Variants in TLN2 observed in about 807,000 individuals in gnomAD.
TLN2 encodes talin-2.
A neutral mutation model predicts 294.7 loss-of-function variants in TLN2; 118 were observed. That is an observed-to-expected ratio of 0.40 (90% CI 0.34 to 0.47). The LOEUF (loss-of-function observed/expected upper bound fraction) is 0.47, where lower values mean the gene tolerates loss of function less well. Ranked by LOEUF, TLN2 falls within the 20% of genes least tolerant of loss-of-function variation. The probability of loss-of-function intolerance (pLI) is 0.84; values close to 1 mark genes in which losing one functional copy is unlikely to be tolerated. For synonymous variants in TLN2, 1,431 were observed against 1,304.5 expected (o/e 1.10, Z -2.09); for missense variants, 3,083 against 3,282.2 (o/e 0.94, Z 1.48).
rs1287686061 is a variant in TLN2, at chr15:62,841,207, T to C, written c.*597T>C. 6.5e-6 allele frequency: 1 copy of C among 152,814 alleles called. No homozygotes were observed. The highest frequency in any genetic ancestry group is 1.5e-5 in the Non-Finnish European group (1 of 68,202). The allele number at this position is 152,814 out of a possible 1,614,324, so 9.5% of individuals were successfully genotyped here. On this transcript the variant is annotated 3_prime_UTR_variant, in exon 59 of 59. Transcript: ENST00000636159. ...TTCTTGCCTCCGTGTGTAAGCTCCTTGTACAACCCAGACCCATCTTGTATT... is the reference window on the plus strand; with the variant it reads ...TTCTTGCCTCCGTGTGTAAGCTCCTCGTACAACCCAGACCCATCTTGTATT...
At chr15:62,589,375 A>T (rs1262482158) in intron 1 of TLN2, among the ~76,000 whole-genome samples, 1 of 152,214 alleles carries the variant, frequency 6.6e-6, no homozygotes, top group Non-Finnish European at 1.5e-5. Context: ...TTCGACATTG[A>T]GGGAGGTGGA....
chr15:62,725,831 C>T (rs952924490), intron 27 of TLN2, among the ~76,000 whole-genome samples: 1 of 152,168 alleles, frequency 6.6e-6, no homozygotes, highest in South Asian at 2.1e-4. Flanking sequence ...TTCAGATTTG[C>T]AGGACTCTAA....
chr15:62,653,783 T>G (rs909006216), intron 7 of TLN2, among the ~76,000 whole-genome samples: 38 of 152,048 alleles, frequency 2.5e-4, no homozygotes, highest in African/African-American at 8.0e-4. Context: ...CCATTTCACA[T>G]CTAAAGAAAT....
intron 14 of TLN2, 128 bp downstream of exon 14, chr15:62,694,520 ATCT>A (rs2058184048): frequency 1.4e-6 from 1 of 718,474 alleles, no homozygotes. Flanking sequence ...ATATAGTTGA[ATCT>A]TCTTCAAGCG....
chr15:62,702,946 A>G (rs946092142), intron 19 of TLN2, 82 bp downstream of exon 19: 11 of 1,257,270 alleles, frequency 8.7e-6, no homozygotes, highest in Admixed American at 1.8e-5. Flanking sequence ...TAATATTTGA[A>G]AACTAACTAA....
chr15:62,830,860 T>A (rs997436534), intron 54 of TLN2: 2 of 152,156 alleles, frequency 1.3e-5, no homozygotes, highest in Admixed American at 1.3e-4. Context: ...AATACTTTCT[T>A]ATCAGAGCAA....
intron 58 of TLN2, among the ~76,000 whole-genome samples, chr15:62,839,383 A>C (rs1331726519): frequency 6.6e-6 from 1 of 152,246 alleles, no homozygotes; most frequent in African/African-American, 2.4e-5. Flanking sequence ...CCTAGATAAA[A>C]ATCAAGGATT....
chr15:62,706,789 C>T (rs1286846642), intron 19 of TLN2, among the ~76,000 whole-genome samples: 3 of 152,140 alleles, frequency 2.0e-5, no homozygotes, highest in African/African-American at 2.4e-5. Context: ...GTCAAGACTT[C>T]GTGTTAGATA....
intron 54 of TLN2, chr15:62,829,882 A>C (rs1567697873): frequency 6.6e-6 from 1 of 152,188 alleles, no homozygotes; most frequent in Non-Finnish European, 1.5e-5. Flanking sequence ...ATAAGTGGGA[A>C]CATACAATGT....
intron 45 of TLN2, chr15:62,784,091 A>AGT: frequency 4.8e-6 from 4 of 837,212 alleles, no homozygotes; most frequent in Non-Finnish European, 5.3e-6. Context: ...CTTATGGGGC[A>AGT]GACTGGCCAA....
Position 62,692,922 on chromosome 15 carries a change from T to C in TLN2, c.1196T>C (p.Ile399Thr). ...EQISQLIAGY[I>T]DIILKKKQSK... ...ATATCCCAGCTGATTGCAGGCTACA[T>C]TGACATCATCCTGAAAAAGGTATTT... The change falls in exon 13 of 59, where the codon ATT becomes ACT. Residue 399 changes from isoleucine to threonine, a missense_variant. By Grantham distance (89) the Ile-to-Thr change is moderately conservative. Transcript: ENST00000636159. 6.2e-7 allele frequency: 1 copy of C among 1,612,780 alleles called. No individual in the cohort carries two copies. Among genetic ancestry groups the C allele is most frequent in the Non-Finnish European group, 8.5e-7 (1 of 1,179,524 alleles).
chr15:62,405,900 A>G (rs1470977940), intron 1 of TLN2, among the ~76,000 whole-genome samples: 1 of 152,196 alleles, frequency 6.6e-6, no homozygotes, highest in Admixed American at 6.5e-5. Flanking sequence ...TAGGCTGGAG[A>G]CAGCCCAATG....
At chr15:62,429,138 G>GT (rs2034877943) in intron 1 of TLN2, among the ~76,000 whole-genome samples, 2 of 149,822 alleles carry the variant, frequency 1.3e-5, no homozygotes, top group Admixed American at 1.3e-4. Context: ...GGTTGGGGGG[G>GT]TAGTGGTGAG....
chr15:62,738,182 T>G, intron 29 of TLN2, 32 bp from the exon 30 acceptor site: 1 of 1,611,502 alleles, frequency 6.2e-7, no homozygotes, highest in Non-Finnish European at 8.5e-7. Flanking sequence ...ATGTTTGTAC[T>G]TAAAGGTGCT....
intron 1 of TLN2, among the ~76,000 whole-genome samples, chr15:62,441,028 C>T (rs1373711992): frequency 6.6e-6 from 1 of 152,178 alleles, no homozygotes; most frequent in Non-Finnish European, 1.5e-5. Context: ...CCATCTCCTG[C>T]TCACTTCACA....
intron 1 of TLN2, among the ~76,000 whole-genome samples, chr15:62,566,604 G>C (rs926870302): frequency 7.3e-5 from 11 of 151,364 alleles, no homozygotes; most frequent in Non-Finnish European, 1.5e-4. Context: ...TGGCAGCATT[G>C]AGTAGCCACA....
At chr15:62,472,035 T>C (rs2037504831) in intron 1 of TLN2, among the ~76,000 whole-genome samples, 1 of 152,194 alleles carries the variant, frequency 6.6e-6, no homozygotes, top group African/African-American at 2.4e-5. Flanking sequence ...TACCTTGGGA[T>C]AGGAGGCCCG....
intron 3 of TLN2, chr15:62,638,347 G>C (rs2050619789): frequency 5.6e-6 from 2 of 358,188 alleles, no homozygotes; most frequent in South Asian, 4.2e-5. Flanking sequence ...GACAGTGATA[G>C]GCAGCAAATG....
chr15:62,622,071 A>G (rs2048882501), intron 3 of TLN2, among the ~76,000 whole-genome samples: 2 of 148,088 alleles, frequency 1.4e-5, no homozygotes, highest in South Asian at 4.6e-4. Flanking sequence ...CTTGGCCTAA[A>G]GGACTAAGCT....
Sources: gnomAD v4.1 joint callset for allele counts (sites outside exome capture counted in the v4.1 genomes callset) on GRCh38, gnomAD v4.1.1 for gene constraint, MANE v1.5 for transcripts, NCBI Gene and HGNC (gene_info 2026-07-23, HGNC 2026-07-21) for gene names.